TRIM71: variants seen among roughly 807,000 people sequenced by gnomAD.
The protein encoded by TRIM71 is tripartite motif containing 71, also known as E3 ubiquitin-protein ligase TRIM71.
A neutral mutation model predicts 61.2 loss-of-function variants in TRIM71; 9 were observed. The observed-to-expected ratio is 0.15, with a 90% CI of 0.09 to 0.26. The LOEUF (loss-of-function observed/expected upper bound fraction) is 0.26. Among genes scored for constraint, TRIM71 ranks in the 10% least tolerant of loss-of-function variants. TRIM71 has a pLI of 1.00. For synonymous variants in TRIM71, 645 were observed against 553.2 expected, an observed-to-expected ratio of 1.17 and a Z score of -2.33; for missense variants, 998 against 1,238.7, an observed-to-expected ratio of 0.81 and a Z score of 2.92.
chr3:32,883,907 C>T (rs940512535), intron 2 of TRIM71, among the ~76,000 whole-genome samples: 1 of 152,190 alleles, frequency 6.6e-6, no homozygotes, highest in Non-Finnish European at 1.5e-5. Context: ...GTGCTGTTCC[C>T]TTCCAGCTTC....
At chr3:32,887,764 A>T (rs892666516) in intron 3 of TRIM71, among the ~76,000 whole-genome samples, 1 of 152,168 alleles carries the variant, frequency 6.6e-6, no homozygotes, top group Non-Finnish European at 1.5e-5. Flanking sequence ...CCTAATGGGC[A>T]AATATTCTTT....
Position 32,890,633 on chromosome 3 carries a change from T to C in TRIM71, c.1429T>C (p.Phe477Leu). ...GTACCTTGCCATCAAGTCTTTTGGC[T>C]TTGTTAGCAGCGGGGCCTTTGCCCC... ...ALYLAIKSFGFVSSGAFAPLT... is the reference protein window; with the variant it reads ...ALYLAIKSFGLVSSGAFAPLT... The change falls in exon 4 of 4, where the codon TTT (phenylalanine) becomes CTT (leucine). Residue 477 changes from phenylalanine to leucine, a missense_variant. By Grantham distance (22) the Phe-to-Leu change is conservative. Coordinates refer to ENST00000383763, the MANE Select transcript of TRIM71 (RefSeq NM_001039111.3). The surrounding 1 kb of genome is among the most constrained non-coding windows in gnomAD (Gnocchi z 6.2). 6 of 1,613,946 alleles carry C rather than the reference T, an allele frequency of 3.7e-6. No homozygotes were observed. Among genetic ancestry groups the C allele is most frequent in the South Asian group, 1.1e-5 (1 of 91,086 alleles).
chr3:32,873,693 G>T, intron 1 of TRIM71, 125 bp from the exon 2 acceptor site: 1 of 840,782 alleles, frequency 1.2e-6, no homozygotes, highest in Non-Finnish European at 1.8e-6. Flanking sequence ...TCTCCCTTTG[G>T]GGTGTGCTTG....
intron 1 of TRIM71, among the ~76,000 whole-genome samples, chr3:32,848,742 G>T (rs544790608): frequency 6.6e-6 from 1 of 152,128 alleles, no homozygotes; most frequent in Non-Finnish European, 1.5e-5. Flanking sequence ...GAAACCTGGG[G>T]CAGTGGCCAG....
At chr3:32,819,713 C>T (rs1696106225) in intron 1 of TRIM71, among the ~76,000 whole-genome samples, 1 of 152,178 alleles carries the variant, frequency 6.6e-6, no homozygotes, top group Admixed American at 6.5e-5. Flanking sequence ...AAAGGGACGA[C>T]GTTACCTTCA....
At chr3:32,878,328 G>A (rs879522400) in intron 2 of TRIM71, among the ~76,000 whole-genome samples, 5 of 152,174 alleles carry the variant, frequency 3.3e-5, no homozygotes, top group African/African-American at 9.7e-5. Context: ...TCCGCAAACC[G>A]GCCTGGCATG....
At chr3:32,882,593 G>T (rs1277647882) in intron 2 of TRIM71, among the ~76,000 whole-genome samples, 1 of 151,992 alleles carries the variant, frequency 6.6e-6, no homozygotes, top group Non-Finnish European at 1.5e-5. Context: ...ACCCAGGCTG[G>T]GGGGCGCGGT....
chr3:32,882,806 T>C (rs1259869233), intron 2 of TRIM71, among the ~76,000 whole-genome samples: 1 of 152,170 alleles, frequency 6.6e-6, no homozygotes, highest in African/African-American at 2.4e-5. Flanking sequence ...CCTCCCAGAG[T>C]GCTGGGATTA....
At chr3:32,823,812 G>C (rs974867653) in intron 1 of TRIM71, among the ~76,000 whole-genome samples, 17 of 149,108 alleles carry the variant, frequency 1.1e-4, no homozygotes, top group African/African-American at 4.0e-4. Context: ...AGAGGGTCAG[G>C]CGTGAGCCAC....
intron 1 of TRIM71, among the ~76,000 whole-genome samples, chr3:32,849,070 T>G (rs1019616993): frequency 1.3e-5 from 2 of 152,184 alleles, no homozygotes; most frequent in African/African-American, 4.8e-5. Flanking sequence ...AGGGGAGCCT[T>G]AAGCTGGGGG....
chr3:32,836,937 C>A (rs534556072), intron 1 of TRIM71, among the ~76,000 whole-genome samples: 1 of 152,310 alleles, frequency 6.6e-6, no homozygotes, highest in East Asian at 1.9e-4. Flanking sequence ...ACAAACGACC[C>A]ATTCCTTCAG....
chr3:32,837,383 G>A (rs1030359463), intron 1 of TRIM71, among the ~76,000 whole-genome samples: 2 of 152,104 alleles, frequency 1.3e-5, no homozygotes, highest in African/African-American at 4.8e-5. Flanking sequence ...TGGAGAATTT[G>A]GCCTGCTTTT....
intron 1 of TRIM71, among the ~76,000 whole-genome samples, chr3:32,835,156 G>GA (rs1201295118): frequency 2.0e-5 from 3 of 152,220 alleles, no homozygotes; most frequent in Non-Finnish European, 2.9e-5. Flanking sequence ...AGAAGAGGTT[G>GA]AGTTTCAGGC....
At chr3:32,870,172 A>T (rs1375460201) in intron 1 of TRIM71, among the ~76,000 whole-genome samples, 1 of 152,250 alleles carries the variant, frequency 6.6e-6, no homozygotes, top group African/African-American at 2.4e-5. Flanking sequence ...TAGATGAGAC[A>T]TGGAGCTTCT....
At chr3:32,880,512 C>T (rs1365226443) in intron 2 of TRIM71, among the ~76,000 whole-genome samples, 1 of 152,196 alleles carries the variant, frequency 6.6e-6, no homozygotes, top group Non-Finnish European at 1.5e-5. Flanking sequence ...TTTAAAGAGA[C>T]TCACAACTTG....
At chr3:32,824,813 G>A (rs75376087) in intron 1 of TRIM71, among the ~76,000 whole-genome samples, 1 of 151,516 alleles carries the variant, frequency 6.6e-6, no homozygotes, top group Admixed American at 6.6e-5. Flanking sequence ...TTTTTTTCTT[G>A]AGATGGAGTC....
At chr3:32,832,779 C>T (rs935412342) in intron 1 of TRIM71, among the ~76,000 whole-genome samples, 1 of 151,896 alleles carries the variant, frequency 6.6e-6, no homozygotes, top group Non-Finnish European at 1.5e-5. Context: ...ATAAGGGTAC[C>T]CTCCTCTTCC....
chr3:32,881,567 G>T (rs1433936966), intron 2 of TRIM71, among the ~76,000 whole-genome samples: 2 of 152,214 alleles, frequency 1.3e-5, no homozygotes, highest in Non-Finnish European at 2.9e-5. Flanking sequence ...TGATTTGCCA[G>T]TCCAAATGTA....
rs9827207 is a variant in TRIM71, at chr3:32,867,190, T to C, written c.853-6628T>C. Reference sequence around the variant, plus strand: ...TTTACCACCCCCCTCCCCCTCCTCTTTTTTAGATCTTCACATGTTATATTG... The same window carrying C: ...TTTACCACCCCCCTCCCCCTCCTCTCTTTTAGATCTTCACATGTTATATTG... On this transcript the variant is annotated intron_variant, in intron 1 of 3. Coordinates refer to ENST00000383763, the MANE Select transcript of TRIM71 (RefSeq NM_001039111.3). 9.4e-3 allele frequency among the ~76,000 whole-genome samples: 1,426 copies of C among 152,136 alleles called. 25 individuals carry two copies. The highest frequency in any genetic ancestry group is 0.033 in the African/African-American group (1,377 of 41,482).
Sources: gnomAD v4.1 joint callset for allele counts (sites outside exome capture counted in the v4.1 genomes callset) on GRCh38, gnomAD v4.1.1 for gene constraint, Gnocchi (gnomAD v3.1) non-coding constraint, MANE v1.5 for transcripts, NCBI Gene and HGNC (gene_info 2026-07-23, HGNC 2026-07-21) for gene names.